Variants in MYH7B observed in about 807,000 individuals in gnomAD.
MYH7B encodes the protein myosin-7B.
Under a neutral mutation model 234.5 loss-of-function variants are expected in MYH7B, and 205 were observed. That is an observed-to-expected ratio of 0.87 (90% CI 0.78 to 0.98). The LOEUF (loss-of-function observed/expected upper bound fraction) is 0.98, where lower values mean the gene tolerates loss of function less well. MYH7B is among the 50% of genes least tolerant of loss of function. The probability of loss-of-function intolerance (pLI) is 0.00; values close to 1 mark genes in which losing one functional copy is unlikely to be tolerated. For missense variants in MYH7B, 2,652 were observed against 2,633.4 expected, an observed-to-expected ratio of 1.01 and a Z score of -0.15; for synonymous variants, 1,193 against 1,105.0, an observed-to-expected ratio of 1.08 and a Z score of -1.58.
At chr20:34,968,364 ATG>A (rs2081762070) in intron 2 of MYH7B, among the ~76,000 whole-genome samples, 1 of 152,214 alleles carries the variant, frequency 6.6e-6, no homozygotes, top group Non-Finnish European at 1.5e-5. Context: ...GGCTCTCTGC[ATG>A]TGTTATTTCA....
chr20:34,987,581 T>C (rs755885292), exon 17 of MYH7B: 6 of 1,613,596 alleles, frequency 3.7e-6, no homozygotes, highest in Non-Finnish European at 8.5e-7. Flanking sequence ...GCCTACCTGA[T>C]GGGGGTCAGC....
At chr20:34,981,209 T>A in intron 9 of MYH7B, 149 bp downstream of exon 9, 1 of 957,118 alleles carries the variant, frequency 1.0e-6, no homozygotes, top group Non-Finnish European at 1.6e-6. Flanking sequence ...GAAGCTAAAT[T>A]AGGCCTGAGC....
Position 34,979,416 on chromosome 20 carries a change from G to A in MYH7B, c.118G>A (p.Glu40Lys), listed in dbSNP as rs200654846. ...GAAGAAGCGAGTCTGGGTGCCTGAT[G>A]AACAGGACGCCTACGTGGAGGCCGA... Residue 40 changes from glutamate (E) to lysine (K), a missense_variant, in exon 6 of 45, where the codon GAA becomes AAA. Physicochemically the swap from Glu to Lys is moderately conservative, Grantham distance 56 (BLOSUM62 1). Transcript: ENST00000262873. 4.4e-5 allele frequency: 71 copies of A among 1,613,824 alleles called. No individual in the cohort carries two copies. In the East Asian group the frequency reaches 1.5e-3, roughly 34 times the overall value.
In MYH7B at chr20:34,993,321, TCTCCGCC is replaced by T; in HGVS notation, c.2308-11_2308-5del. On this transcript the variant is annotated splice_polypyrimidine_tract_variant and splice_region_variant and intron_variant, in intron 25 of 44. Coordinates refer to ENST00000262873, the Ensembl canonical transcript of MYH7B. ...TTGGGGGTTACCCTGGCTGTCTACC[TCTCCGCC>T]CCCAGGTGTTCTTCAAGGCTGGGCT... The T allele has an allele frequency of 6.2e-7, 1 of 1,614,014 alleles. No individual in the cohort carries two copies. Among genetic ancestry groups the T allele is most frequent in the East Asian group, 2.2e-5 (1 of 44,874 alleles).
At chr20:34,986,139 G>C in exon 14 of MYH7B, 1 of 1,597,836 alleles carries the variant, frequency 6.3e-7, no homozygotes, top group Non-Finnish European at 8.5e-7. Flanking sequence ...CAGTTGCCTG[G>C]TGAGCGCAGC....
intron 12 of MYH7B, 42 bp downstream of exon 12, chr20:34,984,988 C>T (rs1202545009): frequency 6.2e-7 from 1 of 1,607,388 alleles, no homozygotes; most frequent in Non-Finnish European, 8.5e-7. Context: ...ATGCCGTAGG[C>T]CACCAGCGGC....
exon 20 of MYH7B, chr20:34,989,743 C>T (rs903473826): frequency 2.5e-6 from 4 of 1,613,796 alleles, no homozygotes; most frequent in Non-Finnish European, 3.4e-6. Context: ...TTCCCAGCCA[C>T]TGGGCATCCT....
At chr20:34,966,929 T>C (rs866632183) in intron 2 of MYH7B, among the ~76,000 whole-genome samples, 1 of 149,996 alleles carries the variant, frequency 6.7e-6, no homozygotes. Flanking sequence ...TCTTTAAAAA[T>C]TTTTTTTTTA....
chr20:34,978,663 T>A (rs1482205969), intron 5 of MYH7B, among the ~76,000 whole-genome samples: 1 of 152,176 alleles, frequency 6.6e-6, no homozygotes, highest in Non-Finnish European at 1.5e-5. Flanking sequence ...CAGACCTAGC[T>A]TCACAGGGCG....
exon 17 of MYH7B, chr20:34,987,586 G>A (rs1325391531): frequency 6.2e-7 from 1 of 1,613,946 alleles, no homozygotes. Context: ...CCTGATGGGG[G>A]TCAGCAGTGG....
Position 34,982,878 on chromosome 20 carries a change from T to C in MYH7B, c.624+323T>C, listed in dbSNP as rs1308918315. Among the ~76,000 whole-genome samples the C allele has an allele frequency of 2.0e-5, 3 of 152,348 alleles. No individual in the cohort carries two copies. The East Asian group carries it at 5.8e-4, about 29-fold the overall frequency. On this transcript the variant is annotated intron_variant, in intron 10 of 44. Coordinates refer to ENST00000262873, the Ensembl canonical transcript of MYH7B. Reference sequence around the variant, plus strand: ...AAAGAGTTTACTAGATGGGCTGCTTTTACTAAGCGTTGTTGTCTTGGTTTC... The same window carrying C: ...AAAGAGTTTACTAGATGGGCTGCTTCTACTAAGCGTTGTTGTCTTGGTTTC...
exon 39 of MYH7B, chr20:35,000,379 AGAAGAT>A (rs1569065705): frequency 6.3e-7 from 1 of 1,599,514 alleles, no homozygotes; most frequent in Middle Eastern, 1.7e-4. Context: ...CGGCTCAAGA[AGAAGAT>A]GGAGGGTGAC....
At chr20:34,980,827 C>T in intron 8 of MYH7B, 93 bp downstream of exon 8, 2 of 1,550,738 alleles carry the variant, frequency 1.3e-6, no homozygotes, top group South Asian at 2.3e-5. Context: ...CTGGCACTGC[C>T]CCCCTTTTGA....
chr20:34,975,531 T>C lies in MYH7B; in HGVS notation c.-122+32T>C, dbSNP rs1464462276. 10 of 712,202 alleles carry C rather than the reference T, an allele frequency of 1.4e-5. No homozygotes were observed. The South Asian group carries it at 1.5e-4, about 11-fold the overall frequency. The allele number at this position is 712,202 out of a possible 1,614,324, so 44.1% of individuals were successfully genotyped here. ...TGCCTGACCCAGGGTATGTTTACTT[T>C]GAGAAAATTCATCAAACTTTATAAG... On this transcript the variant is annotated intron_variant, in intron 3 of 44. Coordinates refer to ENST00000262873, the Ensembl canonical transcript of MYH7B.
rs550459744 is a variant in MYH7B at position 34,992,025 on chromosome 20, C to T, written c.2183+904C>T. ...GTGGCTGTAGCCCACCTGACCCACACAGCCCTGTGCATGTGTCCACTTAGA... is the reference window on the plus strand; with the variant it reads ...GTGGCTGTAGCCCACCTGACCCACATAGCCCTGTGCATGTGTCCACTTAGA... On this transcript the variant is annotated intron_variant, in intron 24 of 44. Transcript: ENST00000262873. Among the ~76,000 whole-genome samples, 11 of 152,342 alleles carry T rather than the reference C, an allele frequency of 7.2e-5. No individual in the cohort carries two copies. The East Asian group carries it at 1.7e-3, about 24-fold the overall frequency.
At chr20:35,000,387 G>A (rs1283911991) in exon 39 of MYH7B, 6 of 1,599,764 alleles carry the variant, frequency 3.8e-6, no homozygotes, top group Non-Finnish European at 4.2e-6. Flanking sequence ...GAAGAAGATG[G>A]AGGGTGACCT....
At chr20:34,981,090 A>G in intron 9 of MYH7B, 30 bp downstream of exon 9, 1 of 1,612,784 alleles carries the variant, frequency 6.2e-7, no homozygotes, top group Non-Finnish European at 8.5e-7. Flanking sequence ...GGTGGGGTGG[A>G]AAATGCTGGC....
chr20:34,981,411 A>G (rs1418105928), intron 9 of MYH7B: 2 of 292,336 alleles, frequency 6.8e-6, no homozygotes, highest in Non-Finnish European at 1.3e-5. Context: ...CCTTTTTACC[A>G]TCTACTTATG....
At chr20:34,970,198 C>A (rs1331319296) in intron 2 of MYH7B, among the ~76,000 whole-genome samples, 2 of 152,148 alleles carry the variant, frequency 1.3e-5, no homozygotes, top group African/African-American at 4.8e-5. Flanking sequence ...AAGCCATGTA[C>A]GGTGAACACT....
Sources: allele counts gnomAD v4.1 joint callset (sites outside exome capture counted in the v4.1 genomes callset), GRCh38; gene constraint gnomAD v4.1.1; transcripts MANE v1.5; gene names NCBI Gene and HGNC (gene_info 2026-07-23, HGNC 2026-07-21).